Variants in SYT16 observed in about 807,000 individuals in gnomAD.
SYT16 encodes the protein synaptotagmin 16.
A neutral mutation model predicts 61.4 loss-of-function variants in SYT16; 42 were observed. The ratio of observed to expected loss-of-function variants is 0.68; its 90% CI spans 0.53 to 0.89. The LOEUF (loss-of-function observed/expected upper bound fraction) is 0.89, where lower values mean the gene tolerates loss of function less well. Ranked by LOEUF, SYT16 falls within the 40% of genes least tolerant of loss-of-function variation. SYT16 has a pLI of 0.00. For missense variants in SYT16, 804 were observed against 807.3 expected, an observed-to-expected ratio of 1.00 and a Z score of 0.05; for synonymous variants, 314 against 302.3, an observed-to-expected ratio of 1.04 and a Z score of -0.40.
chr14:62,074,688 T>G (rs1214715707), intron 4 of SYT16, among the ~76,000 whole-genome samples: 1 of 152,186 alleles, frequency 6.6e-6, no homozygotes, highest in Non-Finnish European at 1.5e-5. Flanking sequence ...GAGAACTTTT[T>G]ACTTGGTAGG....
At chr14:61,958,643 TTTG>T (rs1157364429) in intron 1 of SYT16, among the ~76,000 whole-genome samples, 1 of 152,052 alleles carries the variant, frequency 6.6e-6, no homozygotes, top group African/African-American at 2.4e-5. Context: ...TCTTCTTAAG[TTTG>T]TTAAGAATTG....
intron 3 of SYT16, among the ~76,000 whole-genome samples, chr14:62,068,446 A>G (rs1402042210): frequency 6.6e-6 from 1 of 152,212 alleles, no homozygotes; most frequent in Non-Finnish European, 1.5e-5. Context: ...GATGCATGTC[A>G]AAGTATACAA....
chr14:61,893,297 GT>G (rs1449883815), intron 1 of SYT16, among the ~76,000 whole-genome samples: 1 of 152,214 alleles, frequency 6.6e-6, no homozygotes, highest in Non-Finnish European at 1.5e-5. Flanking sequence ...TTAACGCTGG[GT>G]ATTTATGACT....
At chr14:61,826,471 A>G (rs570809955) in intron 1 of SYT16, among the ~76,000 whole-genome samples, 1 of 151,962 alleles carries the variant, frequency 6.6e-6, no homozygotes, top group African/African-American at 2.4e-5. Flanking sequence ...TGAAGATTCC[A>G]ATTTCCTGTC....
At chr14:61,963,095 C>T (rs77241341) in intron 1 of SYT16, among the ~76,000 whole-genome samples, 393 of 152,156 alleles carry the variant, frequency 2.6e-3, no homozygotes, top group African/African-American at 9.0e-3. Flanking sequence ...ACCAGTTGTT[C>T]CTCCATCTCT....
intron 3 of SYT16, among the ~76,000 whole-genome samples, chr14:62,016,581 C>T (rs767445346): frequency 3.4e-4 from 51 of 148,448 alleles, no homozygotes; most frequent in Middle Eastern, 7.2e-3. Context: ...GGCGTGGTGG[C>T]GGGTGCCTGT....
intron 7 of SYT16, among the ~76,000 whole-genome samples, chr14:62,093,320 G>A (rs2057158667): frequency 6.6e-6 from 1 of 152,030 alleles, no homozygotes; most frequent in African/African-American, 2.4e-5. Flanking sequence ...TTTTTAAAGT[G>A]TAGAAAAATG....
intron 3 of SYT16, among the ~76,000 whole-genome samples, chr14:62,061,610 A>G (rs1273620542): frequency 1.3e-5 from 2 of 152,182 alleles, no homozygotes; most frequent in Admixed American, 1.3e-4. Context: ...TTAATATCAG[A>G]CAAAGTAGAC....
chr14:61,879,506 A>G (rs937997218), intron 1 of SYT16, among the ~76,000 whole-genome samples: 5 of 152,112 alleles, frequency 3.3e-5, no homozygotes, highest in African/African-American at 1.2e-4. Flanking sequence ...GGACCCAGAT[A>G]ATAATATTGC....
In SYT16 at chr14:62,040,814, C is replaced by G. The variant is rs192158847; in HGVS notation, c.524-28789C>G. 3.1e-3 allele frequency among the ~76,000 whole-genome samples: 473 copies of G among 152,262 alleles called. 1 individual carries two copies. Among genetic ancestry groups the G allele is most frequent in the African/African-American group, 0.011 (448 of 41,524 alleles). On this transcript the variant is annotated intron_variant, in intron 3 of 7. Transcript: ENST00000683842. ...GAGGTCCCATATACTCTTACCTCTTCCTGCCTTGTTTCCCCTGTTAACATC... is the reference window on the plus strand; with the variant it reads ...GAGGTCCCATATACTCTTACCTCTTGCTGCCTTGTTTCCCCTGTTAACATC...
intron 1 of SYT16, among the ~76,000 whole-genome samples, chr14:61,945,731 CTG>C (rs1474557498): frequency 1.3e-5 from 2 of 151,814 alleles, no homozygotes; most frequent in Admixed American, 6.6e-5. Flanking sequence ...TGGCGGGTGC[CTG>C]TAGTCCCAGC....
intron 1 of SYT16, among the ~76,000 whole-genome samples, chr14:61,854,320 T>C (rs2046709952): frequency 1.3e-5 from 2 of 152,236 alleles, no homozygotes; most frequent in Non-Finnish European, 2.9e-5. Flanking sequence ...AGGGGCTAAT[T>C]TGTTGAATGA....
chr14:62,106,678 G>A lies in SYT16; in HGVS notation c.*5971G>A, dbSNP rs1442922207. The A allele has an allele frequency of 6.6e-6, 1 of 152,094 alleles. No individual in the cohort carries two copies. Among genetic ancestry groups the A allele is most frequent in the Non-Finnish European group, 1.5e-5 (1 of 68,012 alleles). The allele number at this position is 152,094 out of a possible 1,614,324, so 9.4% of individuals were successfully genotyped here. On this transcript the variant is annotated 3_prime_UTR_variant, in exon 8 of 8. Transcript: ENST00000683842. ...TTTTCTCTGAAGAGTTCCTATTTGG[G>A]TTTTGTTTAGGGCTTTGGGGATGCC...
chr14:61,952,436 T>C (rs898743029), intron 1 of SYT16, among the ~76,000 whole-genome samples: 25 of 152,200 alleles, frequency 1.6e-4, no homozygotes, highest in Admixed American at 1.6e-3. Flanking sequence ...ATTTTCATCA[T>C]TAAATGCTGC....
chr14:61,841,819 C>A (rs796181148), intron 1 of SYT16, among the ~76,000 whole-genome samples: 2 of 152,240 alleles, frequency 1.3e-5, no homozygotes, highest in African/African-American at 4.8e-5. Flanking sequence ...GCCTCCAGTT[C>A]CATCCATGTT....
At chr14:61,897,058 AAAG>A (rs2048349753) in intron 1 of SYT16, among the ~76,000 whole-genome samples, 1 of 152,244 alleles carries the variant, frequency 6.6e-6, no homozygotes, top group South Asian at 2.1e-4. Context: ...GTGGGAAAAA[AAAG>A]AATATTTCAT....
chr14:61,859,524 C>T (rs183528002), intron 1 of SYT16, among the ~76,000 whole-genome samples: 3 of 151,772 alleles, frequency 2.0e-5, no homozygotes, highest in Admixed American at 2.0e-4. Context: ...TCGGAAAACC[C>T]CTCTCTCTCT....
At chr14:62,032,760 A>G (rs926213252) in intron 3 of SYT16, among the ~76,000 whole-genome samples, 1 of 152,002 alleles carries the variant, frequency 6.6e-6, no homozygotes, top group Non-Finnish European at 1.5e-5. Context: ...AAATGAACTT[A>G]TTTAATTGGG....
chr14:62,041,192 T>C (rs2054716160), intron 3 of SYT16, among the ~76,000 whole-genome samples: 1 of 152,080 alleles, frequency 6.6e-6, no homozygotes, highest in South Asian at 2.1e-4. Flanking sequence ...AGATTAACAG[T>C]GGGTCTGCCT....
Sources: gnomAD v4.1 joint callset for allele counts (sites outside exome capture counted in the v4.1 genomes callset) on GRCh38, gnomAD v4.1.1 for gene constraint, MANE v1.5 for transcripts, NCBI Gene and HGNC (gene_info 2026-07-23, HGNC 2026-07-21) for gene names.